The following PLCH2 variants were observed in gnomAD, a reference collection of about 807,000 sequenced individuals.
PLCH2 encodes phospholipase C eta 2.
PLCH2 carries 98 observed loss-of-function variants against 134.7 expected under a neutral mutation model. The observed-to-expected ratio is 0.73, with a 90% CI of 0.62 to 0.86. The LOEUF (loss-of-function observed/expected upper bound fraction) is 0.86, where lower values mean the gene tolerates loss of function less well. Ranked by LOEUF, PLCH2 falls within the 40% of genes least tolerant of loss-of-function variation. PLCH2 has a pLI of 0.00. For synonymous variants in PLCH2, 974 were observed against 827.5 expected (o/e 1.18, Z -3.04); for missense variants, 1,994 against 1,986.6 (o/e 1.00, Z -0.07).
chr1:2,423,347 C>G (rs1024309033), upstream of PLCH2, among the ~76,000 whole-genome samples: 1 of 152,112 alleles, frequency 6.6e-6, no homozygotes, highest in African/African-American at 2.4e-5. Context: ...CCCCCCACAC[C>G]CAGCTATTTT....
At chr1:2,437,384 A>C (rs556488477) in intron 2 of PLCH2, among the ~76,000 whole-genome samples, 41 of 152,232 alleles carry the variant, frequency 2.7e-4, no homozygotes, top group African/African-American at 8.7e-4. Flanking sequence ...CCAGCTGGAC[A>C]GCTCTGCCCA....
At chr1:2,499,873 G>C (rs1643121615) in intron 20 of PLCH2, 153 bp downstream of exon 20, 2 of 658,500 alleles carry the variant, frequency 3.0e-6, no homozygotes, top group South Asian at 1.7e-5. Context: ...TATCTCAAGA[G>C]GGGCTGCTGT....
rs183254039 is a variant in PLCH2 at position 2,477,799 on chromosome 1, G to A, written c.125-677G>A. Among the ~76,000 whole-genome samples, 75 of 152,328 alleles carry A rather than the reference G, an allele frequency of 4.9e-4. No individual in the cohort carries two copies. The East Asian group carries it at 0.013, about 25-fold the overall frequency. On this transcript the variant is annotated intron_variant, in intron 1 of 21. Transcript: ENST00000378486. ...CATACTGCAGTGCAGGGCGTGCGAC[G>A]CAGACATTCATGGCACCATTCGTGG...
intron 10 of PLCH2, among the ~76,000 whole-genome samples, chr1:2,490,522 G>A (rs1487974348): frequency 1.3e-5 from 2 of 152,322 alleles, no homozygotes; most frequent in African/African-American, 4.8e-5. Flanking sequence ...TGGGGCCGCT[G>A]CTGTGAGGCA....
At chr1:2,434,728 G>A (rs961200584) in intron 2 of PLCH2, among the ~76,000 whole-genome samples, 2 of 152,186 alleles carry the variant, frequency 1.3e-5, no homozygotes, top group Admixed American at 6.5e-5. Flanking sequence ...TAAAAGTGGG[G>A]AGAGCCTCGC....
chr1:2,463,428 C>T (rs527277551), upstream of PLCH2, among the ~76,000 whole-genome samples: 1 of 152,332 alleles, frequency 6.6e-6, no homozygotes, highest in Non-Finnish European at 1.5e-5. Context: ...GCTGCAGAGC[C>T]CCTGCCTGCT....
intron 8 of PLCH2, among the ~76,000 whole-genome samples, chr1:2,489,001 T>A (rs1642421713): frequency 6.6e-6 from 1 of 152,164 alleles, no homozygotes. Flanking sequence ...TTCTCCCAGC[T>A]CCTTTCCCAT....
chr1:2,470,562 G>A (rs1041405798), intron 1 of PLCH2, among the ~76,000 whole-genome samples: 2 of 152,206 alleles, frequency 1.3e-5, no homozygotes, highest in East Asian at 3.9e-4. Flanking sequence ...GAGCAGCCCC[G>A]TGCCGGGACG....
chr1:2,503,916 C>A lies in PLCH2; in HGVS notation c.2960-6C>A. ...GGCTCTCTCTCACTCCCCCACCTCC[C>A]CACAGACACCCGCCCCCTCTCCACG... On this transcript the variant is annotated splice_region_variant and splice_polypyrimidine_tract_variant and intron_variant, in intron 21 of 21. Transcript: ENST00000378486. The A allele has an allele frequency of 1.2e-6, 1 of 841,274 alleles. No individual in the cohort carries two copies. The highest frequency in any genetic ancestry group is 1.9e-6 in the Non-Finnish European group (1 of 523,856). 52.1% of individuals were successfully genotyped at this position (841,274 alleles called of 1,614,324 possible). A position where few individuals can be genotyped will look rare whatever the true frequency, so the allele number is the denominator to read the frequency against.
chr1:2,479,698 CG>C, intron 2 of PLCH2, 35 bp from the exon 3 acceptor site: 1 of 1,511,444 alleles, frequency 6.6e-7, no homozygotes. Flanking sequence ...GCTGGGCCCC[CG>C]GGGACCTGAC....
intron 2 of PLCH2, among the ~76,000 whole-genome samples, chr1:2,432,657 C>T (rs1415183767): frequency 6.6e-6 from 1 of 152,166 alleles, no homozygotes; most frequent in African/African-American, 2.4e-5. Flanking sequence ...GTCTGAGCTG[C>T]CCAGACAGTG....
At chr1:2,478,656 A>G (rs981755575) in intron 2 of PLCH2, 34 bp downstream of exon 2, 1 of 1,581,548 alleles carries the variant, frequency 6.3e-7, no homozygotes, top group Non-Finnish European at 8.6e-7. Context: ...GACAAATCAG[A>G]GTCCCTGGGG....
At chr1:2,449,205 G>A (rs1480637544) in intron 2 of PLCH2, among the ~76,000 whole-genome samples, 7 of 150,798 alleles carry the variant, frequency 4.6e-5, no homozygotes, top group Non-Finnish European at 7.4e-5. Context: ...AAACTGGGGC[G>A]TCTGGCCAGC....
intron 2 of PLCH2, among the ~76,000 whole-genome samples, chr1:2,436,419 TTTCCTCCTTTCTCCCTCCTCCC>T (rs1425020167): frequency 6.5e-5 from 2 of 30,908 alleles, no homozygotes; most frequent in Admixed American, 3.8e-4. Flanking sequence ...TCCCTCCACC[TTTCCTCCTTTCTCCCTCCTCCC>T]TTCCTCCCTT....
chr1:2,458,286 T>C (rs969166953), intron 2 of PLCH2, among the ~76,000 whole-genome samples: 1 of 152,142 alleles, frequency 6.6e-6, no homozygotes, highest in Non-Finnish European at 1.5e-5. Flanking sequence ...TGTCCTGCCG[T>C]CCAGACACTG....
At chr1:2,440,092 G>A (rs1425967701) in intron 2 of PLCH2, among the ~76,000 whole-genome samples, 1 of 152,180 alleles carries the variant, frequency 6.6e-6, no homozygotes, top group African/African-American at 2.4e-5. Flanking sequence ...GGGTAGAGAA[G>A]GCAGCTGCAG....
rs2100750788 is a variant in PLCH2 at position 2,504,170 on chromosome 1, A to G, written c.3208A>G (p.Arg1070Gly). 1 of 1,530,202 alleles carries G rather than the reference A, an allele frequency of 6.5e-7. No homozygotes were observed. The highest frequency in any genetic ancestry group is 8.8e-7 in the Non-Finnish European group (1 of 1,140,468). The allele number at this position is 1,530,202 out of a possible 1,614,324, so 94.8% of individuals were successfully genotyped here. The change falls in exon 22 of 22, where the codon AGG becomes GGG. Residue 1070 changes from arginine to glycine, a missense_variant. By Grantham distance (125) the Arg-to-Gly change is moderately radical. Around this residue, in one of 2 missense-constraint regions of PLCH2, gnomAD observed 900 missense variants for 752.3 expected, o/e 1.20. Transcript: ENST00000378486. ...NGEGAGGAYE[R>G]APGSQTDGRS... ...CGAGGGCGCCGGCGGGGCATACGAG[A>G]GGGCCCCCGGCAGCCAGACGGACGG...
At position 2,504,019 on chromosome 1, in the gene PLCH2, A is replaced by G; in HGVS notation, c.3057A>G (p.Pro1019=). 6.6e-7 allele frequency: 1 copy of G among 1,505,272 alleles called. No individual in the cohort carries two copies. The highest frequency in any genetic ancestry group is 8.9e-7 in the Non-Finnish European group (1 of 1,119,026). The allele number at this position is 1,505,272 out of a possible 1,614,324, so 93.2% of individuals were successfully genotyped here. A position where few individuals can be genotyped will look rare whatever the true frequency, so the allele number is the denominator to read the frequency against. The part of the protein sequence containing the change: ...EPAPGPGPPP[P]AAVPTSSSQG... ...CCCCAGGCCCTGGTCCCCCGCCACC[A>G]GCGGCTGTCCCCACCAGCTCTTCTC... The change falls in exon 22 of 22, where the codon CCA becomes CCG. Residue 1019 remains proline (P), a synonymous_variant. Transcript: ENST00000378486.
intron 2 of PLCH2, among the ~76,000 whole-genome samples, chr1:2,457,626 C>T (rs975682235): frequency 1.3e-5 from 2 of 152,092 alleles, no homozygotes; most frequent in Non-Finnish European, 2.9e-5. Flanking sequence ...GGCCCAACAG[C>T]GACCTGCAGG....
Sources: allele counts gnomAD v4.1 joint callset (sites outside exome capture counted in the v4.1 genomes callset), GRCh38; gene constraint gnomAD v4.1.1; regional missense constraint gnomAD v4.1.1; transcripts MANE v1.5; gene names NCBI Gene and HGNC (gene_info 2026-07-23, HGNC 2026-07-21).